The following PCDH10 variants were observed in gnomAD, a reference collection of about 807,000 sequenced individuals.
The protein encoded by PCDH10 is protocadherin-10.
Under a neutral mutation model 74.4 loss-of-function variants are expected in PCDH10, and 15 were observed. The observed-to-expected ratio is 0.20, with a 90% CI of 0.13 to 0.31. The LOEUF (loss-of-function observed/expected upper bound fraction) is 0.31. Ranked by LOEUF, PCDH10 falls within the 10% of genes least tolerant of loss-of-function variation. PCDH10 has a pLI of 1.00. For missense variants in PCDH10, 1,260 were observed against 1,390.2 expected, an observed-to-expected ratio of 0.91 and a Z score of 1.49; for synonymous variants, 619 against 589.8, an observed-to-expected ratio of 1.05 and a Z score of -0.72.
intron 4 of PCDH10, among the ~76,000 whole-genome samples, chr4:133,164,939 A>C (rs1727046460): frequency 6.7e-6 from 1 of 148,322 alleles, no homozygotes; most frequent in Non-Finnish European, 1.5e-5. Flanking sequence ...TGCTCATTTT[A>C]TATATATATT....
chr4:133,154,767 T>C, intron 2 of PCDH10, 150 bp from the exon 3 acceptor site: 2 of 613,658 alleles, frequency 3.3e-6, no homozygotes, highest in Non-Finnish European at 5.7e-6. Context: ...TAGTTAAGCT[T>C]AGGCTATAAA....
At chr4:133,199,615 A>T (rs1727862132), downstream of PCDH10, among the ~76,000 whole-genome samples, 1 of 150,888 alleles carries the variant, frequency 6.6e-6, no homozygotes, top group Non-Finnish European at 1.5e-5. Context: ...CCATTAAACA[A>T]GTTAATGTAA....
intron 1 of PCDH10, chr4:133,152,989 TC>T: frequency 1.4e-6 from 2 of 1,444,678 alleles, no homozygotes; most frequent in Non-Finnish European, 1.8e-6. Context: ...TTTCATTCCG[TC>T]CCCTTGGTAC....
chr4:133,186,922 T>C (rs1163629965), intron 4 of PCDH10, among the ~76,000 whole-genome samples: 4 of 152,094 alleles, frequency 2.6e-5, no homozygotes, highest in Admixed American at 2.6e-4. Context: ...TTTGACATGT[T>C]TGTCAGGCTG....
intron 4 of PCDH10, among the ~76,000 whole-genome samples, chr4:133,176,851 T>C (rs1727306003): frequency 6.6e-6 from 1 of 152,124 alleles, no homozygotes; most frequent in South Asian, 2.1e-4. Context: ...CTTGGTTATA[T>C]ACAACAGTGA....
intron 4 of PCDH10, among the ~76,000 whole-genome samples, chr4:133,172,861 G>C (rs1727227675): frequency 6.6e-6 from 1 of 151,914 alleles, no homozygotes; most frequent in Non-Finnish European, 1.5e-5. Context: ...CTTAAACCTA[G>C]AAGTGATACA....
At chr4:133,186,223 T>C (rs1375812137) in intron 4 of PCDH10, among the ~76,000 whole-genome samples, 1 of 152,262 alleles carries the variant, frequency 6.6e-6, no homozygotes, top group East Asian at 1.9e-4. Context: ...CCATTAAGGA[T>C]ACATTTTCAC....
At chr4:133,197,078 G>A (rs569271536), downstream of PCDH10, among the ~76,000 whole-genome samples, 11 of 152,216 alleles carry the variant, frequency 7.2e-5, no homozygotes, top group South Asian at 2.3e-3. Flanking sequence ...TTTATCAGTG[G>A]TATGGAGTAC....
chr4:133,171,001 ATTGT>A (rs1727190604), intron 4 of PCDH10, among the ~76,000 whole-genome samples: 1 of 150,486 alleles, frequency 6.6e-6, no homozygotes, highest in South Asian at 2.1e-4. Context: ...TAAGGTATTG[ATTGT>A]TAAGTTTACA....
Position 133,150,790 on chromosome 4 carries a change from G to A in PCDH10, c.650G>A (p.Gly217Glu), listed in dbSNP as rs757751413. The A allele has an allele frequency of 7.0e-6, 11 of 1,581,812 alleles. No individual in the cohort carries two copies. Among genetic ancestry groups the A allele is most frequent in the Non-Finnish European group, 9.5e-6 (11 of 1,163,956 alleles). ...GGGGGVGEGG[G>E]GGGGAGLPPQ... ...GGGGGAGGAGTAGGAGAAGGAGGGG[G>A]AGGTGGCGGGGGAGCAGGCCTGCCC... Residue 217 changes from glycine (G) to glutamate (E), a missense_variant, in exon 1 of 5, where the codon GGA becomes GAA. By Grantham distance (98) the Gly-to-Glu change is moderately conservative (BLOSUM62 -2). Coordinates refer to ENST00000264360, the MANE Select transcript of PCDH10 (RefSeq NM_032961.3).
At chr4:133,168,985 C>T (rs1280293688) in intron 4 of PCDH10, among the ~76,000 whole-genome samples, 2 of 151,624 alleles carry the variant, frequency 1.3e-5, no homozygotes, top group East Asian at 1.9e-4. Context: ...CCAACTAGGG[C>T]GTTTGTGTAA....
intron 4 of PCDH10, among the ~76,000 whole-genome samples, chr4:133,169,598 T>A (rs534598168): frequency 6.6e-6 from 1 of 152,048 alleles, no homozygotes; most frequent in African/African-American, 2.4e-5. Context: ...GTCCATCATA[T>A]GAGCTTAACA....
In PCDH10 at chr4:133,151,011, A is replaced by T; in HGVS notation, c.871A>T (p.Ser291Cys). ...CGGTGAGGTCGTGTACTCCTTCAGC[A>T]GCCACATTTCGCCCCGGGCGCGGGA... ...QNGEVVYSFS[S>C]HISPRARELF... The change falls in exon 1 of 5, where the codon AGC becomes TGC. Residue 291 changes from serine (S) to cysteine (C), a missense_variant. This residue lies in a region of PCDH10 where 192 missense variants were observed against 161.2 expected (regional missense o/e 1.19). Coordinates refer to ENST00000264360, the MANE Select transcript of PCDH10 (RefSeq NM_032961.3). The T allele has an allele frequency of 2.5e-6, 4 of 1,613,852 alleles. No individual in the cohort carries two copies. Among genetic ancestry groups the T allele is most frequent in the Non-Finnish European group, 3.4e-6 (4 of 1,180,006 alleles).
At chr4:133,157,289 A>G (rs1339470646) in intron 3 of PCDH10, among the ~76,000 whole-genome samples, 1 of 152,188 alleles carries the variant, frequency 6.6e-6, no homozygotes, top group Non-Finnish European at 1.5e-5. Context: ...TTTTTTAAGT[A>G]TAAAACCTCA....
At chr4:133,167,698 G>A (rs955341921) in intron 4 of PCDH10, among the ~76,000 whole-genome samples, 20 of 151,166 alleles carry the variant, frequency 1.3e-4, no homozygotes, top group Admixed American at 3.3e-4. Context: ...TGGGTTTTTT[G>A]TTGTTCCTGT....
rs898146559 is a variant in PCDH10, at chr4:133,192,382, GCAT to G, written c.*2226_*2228del. 1.3e-5 allele frequency: 2 copies of G among 151,350 alleles called. No individual in the cohort carries two copies. The highest frequency in any genetic ancestry group is 4.8e-5 in the African/African-American group (2 of 41,358). 9.4% of individuals were successfully genotyped at this position (151,350 alleles called of 1,614,324 possible). A position where few individuals can be genotyped will look rare whatever the true frequency, so the allele number is the denominator to read the frequency against. On this transcript the variant is annotated 3_prime_UTR_variant, in exon 5 of 5. Coordinates refer to ENST00000264360, the MANE Select transcript of PCDH10 (RefSeq NM_032961.3). ...CTCTGCTTTAATTAAAATGTTTCACGCATCATTTTGCAATCATGGGTGAATATC... is the reference window on the plus strand; with the variant it reads ...CTCTGCTTTAATTAAAATGTTTCACGCATTTTGCAATCATGGGTGAATATC...
chr4:133,177,260 GCCT>G (rs1560712186), intron 4 of PCDH10, among the ~76,000 whole-genome samples: 1 of 152,000 alleles, frequency 6.6e-6, no homozygotes, highest in East Asian at 1.9e-4. Flanking sequence ...AGATACTTTT[GCCT>G]CCTTTGTTCT....
intron 4 of PCDH10, among the ~76,000 whole-genome samples, chr4:133,181,605 C>G (rs1210803603): frequency 1.3e-5 from 2 of 151,962 alleles, no homozygotes; most frequent in Non-Finnish European, 2.9e-5. Flanking sequence ...CAACCCAACT[C>G]AAGGGGTTAT....
chr4:133,151,692 A>G lies in PCDH10; in HGVS notation c.1552A>G (p.Ile518Val). ...CATGAGCGTCTTCACCTACGTTTCT[A>G]TCAACTCTGAGAACGGCTACTTGTA... Reference protein sequence around the residue: ...QGMSVFTYVSINSENGYLYAL... With the variant: ...QGMSVFTYVSVNSENGYLYAL... Residue 518 changes from isoleucine to valine, a missense_variant, in exon 1 of 5, where the codon ATC becomes GTC. Ile to Val is a conservative substitution (Grantham distance 29). Transcript: ENST00000264360. The G allele has an allele frequency of 1.2e-6, 2 of 1,613,390 alleles. No individual in the cohort carries two copies. Among genetic ancestry groups the G allele is most frequent in the Non-Finnish European group, 1.7e-6 (2 of 1,180,038 alleles).
Sources: allele counts gnomAD v4.1 joint callset (sites outside exome capture counted in the v4.1 genomes callset), GRCh38; gene constraint gnomAD v4.1.1; regional missense constraint gnomAD v4.1.1; transcripts MANE v1.5; gene names NCBI Gene and HGNC (gene_info 2026-07-23, HGNC 2026-07-21).